Variants in PTPRN2 observed in about 807,000 individuals in gnomAD.
The protein encoded by PTPRN2 is receptor-type tyrosine-protein phosphatase N2.
In PTPRN2, 74 loss-of-function variants were observed where a neutral mutation model predicts 118.8. That is an observed-to-expected ratio of 0.62 (90% CI 0.52 to 0.76). PTPRN2 has a LOEUF of 0.76. Among genes scored for constraint, PTPRN2 ranks in the 30% least tolerant of loss-of-function variants. The probability of loss-of-function intolerance (pLI) is 0.00; values close to 1 mark genes in which losing one functional copy is unlikely to be tolerated. For synonymous variants in PTPRN2, 641 were observed against 608.0 expected, an observed-to-expected ratio of 1.05 and a Z score of -0.80; for missense variants, 1,481 against 1,394.4, an observed-to-expected ratio of 1.06 and a Z score of -0.99.
At chr7:158,263,405 C>A (rs936418727) in intron 3 of PTPRN2, among the ~76,000 whole-genome samples, 1 of 148,552 alleles carries the variant, frequency 6.7e-6, no homozygotes, top group African/African-American at 2.5e-5. Flanking sequence ...CCACATTCAT[C>A]CACAATGCAC....
chr7:158,307,521 G>A lies in PTPRN2; in HGVS notation c.277+9298C>T, dbSNP rs979585705. On this transcript the variant is annotated intron_variant, in intron 3 of 22. Coordinates refer to ENST00000389418, the MANE Select transcript of PTPRN2 (RefSeq NM_002847.5). Reference sequence around the variant, plus strand: ...GAATGAGGTAGAAAGAATATTTGAAGAAATAATGACCCAAAATTCCCAAAA... The same window carrying A: ...GAATGAGGTAGAAAGAATATTTGAAAAAATAATGACCCAAAATTCCCAAAA... 1.3e-4 allele frequency among the ~76,000 whole-genome samples: 20 copies of A among 152,014 alleles called. No homozygotes were observed. The East Asian group carries it at 3.9e-3, about 29-fold the overall frequency.
rs367618612 is a variant in PTPRN2 at position 157,653,112 on chromosome 7, C to G, written c.2196+3245G>C. ...TCCGCTCTTGGTGCTGAGCCTGCCC[C>G]CCAGACGGTGCAGCCGGCCTCTCCC... On this transcript the variant is annotated intron_variant, in intron 14 of 22. Coordinates refer to ENST00000389418, the MANE Select transcript of PTPRN2 (RefSeq NM_002847.5). 1.4e-4 allele frequency among the ~76,000 whole-genome samples: 21 copies of G among 152,348 alleles called. No homozygotes were observed. In the East Asian group the frequency reaches 3.9e-3, roughly 28 times the overall value.
intron 2 of PTPRN2, among the ~76,000 whole-genome samples, chr7:158,410,698 T>C (rs2151431886): frequency 6.6e-6 from 1 of 152,354 alleles, no homozygotes; most frequent in Middle Eastern, 3.4e-3. Context: ...AACAGGGTCC[T>C]CGCAGACCTC....
chr7:158,370,643 T>G (rs1002686658), intron 2 of PTPRN2, among the ~76,000 whole-genome samples: 3 of 151,734 alleles, frequency 2.0e-5, no homozygotes, highest in African/African-American at 7.3e-5. Flanking sequence ...TCCCAGCTAC[T>G]CAGGAGGCTG....
Position 157,544,037 on chromosome 7 carries a change from A to G in PTPRN2, c.2977-3252T>C, listed in dbSNP as rs144978527. On this transcript the variant is annotated intron_variant, in intron 22 of 22. Coordinates refer to ENST00000389418, the MANE Select transcript of PTPRN2 (RefSeq NM_002847.5). ...GAGAGAGACAGAGAGAGGTGGAGAG[A>G]GACGGAGAGAGGTGGAGAGAGACGG... Among the ~76,000 whole-genome samples, 800 of 151,424 alleles carry G rather than the reference A, an allele frequency of 5.3e-3. 13 individuals are homozygous for G. The highest frequency in any genetic ancestry group is 0.019 in the African/African-American group (764 of 41,172).
intron 11 of PTPRN2, among the ~76,000 whole-genome samples, chr7:157,954,709 C>A (rs189439159): frequency 6.6e-6 from 1 of 152,242 alleles, no homozygotes; most frequent in Admixed American, 6.5e-5. Context: ...GCCTCCCTGC[C>A]GAGCCCCAGA....
chr7:157,989,432 GAA>G (rs1187872452), intron 11 of PTPRN2, among the ~76,000 whole-genome samples: 1 of 151,940 alleles, frequency 6.6e-6, no homozygotes, highest in Non-Finnish European at 1.5e-5. Context: ...AAAAAGAAAA[GAA>G]AAGAGAAAAA....
intron 12 of PTPRN2, among the ~76,000 whole-genome samples, chr7:157,849,923 C>T (rs990904880): frequency 1.3e-5 from 2 of 152,186 alleles, no homozygotes; most frequent in East Asian, 1.9e-4. Flanking sequence ...AGCTGGGGCC[C>T]GTGTGTGCCG....
intron 11 of PTPRN2, among the ~76,000 whole-genome samples, chr7:158,077,529 T>C (rs576897799): frequency 1.2e-4 from 9 of 77,264 alleles, no homozygotes; most frequent in African/African-American, 4.8e-4. Context: ...CACCCCACCA[T>C]TCAGGGTCAG....
At chr7:157,818,191 T>C (rs1406616584) in intron 12 of PTPRN2, among the ~76,000 whole-genome samples, 1 of 151,780 alleles carries the variant, frequency 6.6e-6, no homozygotes, top group Non-Finnish European at 1.5e-5. Context: ...TGCATTCATG[T>C]GAAAGTGTGT....
chr7:157,541,171 C>T (rs530380701), intron 22 of PTPRN2, among the ~76,000 whole-genome samples: 60 of 152,344 alleles, frequency 3.9e-4, no homozygotes, highest in African/African-American at 1.4e-3. Context: ...CCTTGGTGGA[C>T]GGTGTGAGGG....
intron 3 of PTPRN2, among the ~76,000 whole-genome samples, chr7:158,240,504 G>A (rs1157021320): frequency 6.6e-6 from 1 of 152,156 alleles, no homozygotes; most frequent in East Asian, 1.9e-4. Context: ...TCTCAGCTCA[G>A]TGCAACCACT....
chr7:158,091,891 A>C (rs1433021681), intron 10 of PTPRN2, among the ~76,000 whole-genome samples: 1 of 113,582 alleles, frequency 8.8e-6, no homozygotes. Context: ...AGTGAGGGAT[A>C]GGTGATAGAT....
rs570503972 is a variant in PTPRN2, at chr7:157,831,667, G to A, written c.1788+67006C>T. Reference sequence around the variant, plus strand: ...ACCCTTATTGGGAGTCTACACAGGTGTTCTGCACTGAGCTCCCCTCTACTT... The same window carrying A: ...ACCCTTATTGGGAGTCTACACAGGTATTCTGCACTGAGCTCCCCTCTACTT... On this transcript the variant is annotated intron_variant, in intron 12 of 22. Transcript: ENST00000389418. The surrounding 1 kb of genome is among the most constrained non-coding windows in gnomAD (Gnocchi z 4.8). Among the ~76,000 whole-genome samples the A allele has an allele frequency of 1.5e-3, 230 of 152,276 alleles. 1 individual carries two copies. Among genetic ancestry groups the A allele is most frequent in the African/African-American group, 5.1e-3 (212 of 41,570 alleles).
intron 5 of PTPRN2, among the ~76,000 whole-genome samples, chr7:158,175,069 C>T (rs1404962651): frequency 6.6e-6 from 1 of 152,214 alleles, no homozygotes; most frequent in Admixed American, 6.5e-5. Context: ...GGAGGAGACT[C>T]CTGTGTGTGC....
chr7:158,312,817 G>A (rs1801963131), intron 3 of PTPRN2, among the ~76,000 whole-genome samples: 2 of 151,338 alleles, frequency 1.3e-5, no homozygotes, highest in African/African-American at 4.9e-5. Context: ...GTGCTCACGT[G>A]TAGATATCCC....
At chr7:158,183,814 G>A (rs962628902) in intron 5 of PTPRN2, among the ~76,000 whole-genome samples, 5 of 152,048 alleles carry the variant, frequency 3.3e-5, no homozygotes, top group Non-Finnish European at 7.4e-5. Context: ...TCTTTCAAAG[G>A]TTCTGTGGTT....
chr7:158,510,600 C>A (rs1168520721), intron 1 of PTPRN2, among the ~76,000 whole-genome samples: 2 of 152,088 alleles, frequency 1.3e-5, no homozygotes, highest in Non-Finnish European at 2.9e-5. Context: ...TATTCCTAAC[C>A]CTGTTCTCTT....
At position 158,149,381 on chromosome 7, in the gene PTPRN2, T is replaced by C. The variant is rs1423087136; in HGVS notation, c.911-10866A>G. 2.0e-5 allele frequency among the ~76,000 whole-genome samples: 3 copies of C among 152,230 alleles called. No homozygotes were observed. The East Asian group carries it at 5.8e-4, about 29-fold the overall frequency. On this transcript the variant is annotated intron_variant, in intron 6 of 22. Transcript: ENST00000389418. ...GACATAAACTTAAATCTAACCAGTG[T>C]CTTTTCAGTATAAACTCTTAAAACA...
Sources: allele counts gnomAD v4.1 joint callset (sites outside exome capture counted in the v4.1 genomes callset), GRCh38; gene constraint gnomAD v4.1.1; non-coding constraint Gnocchi (gnomAD v3.1); transcripts MANE v1.5; gene names NCBI Gene and HGNC (gene_info 2026-07-23, HGNC 2026-07-21).